Variants in DDX52 observed in about 807,000 individuals in gnomAD.
DDX52 encodes DExD-box helicase 52.
DDX52 carries 59 observed loss-of-function variants against 76.1 expected under a neutral mutation model. The ratio of observed to expected loss-of-function variants is 0.78; its 90% CI spans 0.63 to 0.96. DDX52 has a LOEUF of 0.96. Ranked by LOEUF, DDX52 falls within the 40% of genes least tolerant of loss-of-function variation. The pLI, the probability that DDX52 is intolerant of heterozygous loss-of-function variation, is 0.00. For synonymous variants in DDX52, 231 were observed against 244.1 expected (o/e 0.95, Z 0.50); for missense variants, 707 against 703.9 (o/e 1.00, Z -0.05).
At chr17:37,615,898 CAGCTACTCAAG>C (rs1421866344) in intron 14 of DDX52, among the ~76,000 whole-genome samples, 1 of 151,534 alleles carries the variant, frequency 6.6e-6, no homozygotes, top group African/African-American at 2.4e-5. Context: ...CCTGTAATCC[CAGCTACTCAAG>C]AGGCTGAGGC....
chr17:37,610,170 C>A lies in DDX52; in HGVS notation c.*4126G>T, dbSNP rs2147309164. On this transcript the variant is annotated 3_prime_UTR_variant, in exon 15 of 15. Transcript: ENST00000617633. ...ACAGGGTCTTGCTCTGTTGTCCAGG[C>A]TGGAGTGCAGTGGCATGATCATGGC... is the stretch of plus-strand genomic sequence containing the variant. 1 of 151,412 alleles carries A rather than the reference C, an allele frequency of 6.6e-6. No homozygotes were observed. Among genetic ancestry groups the A allele is most frequent in the East Asian group, 1.9e-4 (1 of 5,160 alleles). The allele number at this position is 151,412 out of a possible 1,614,324, so 9.4% of individuals were successfully genotyped here.
intron 5 of DDX52, among the ~76,000 whole-genome samples, chr17:37,629,217 C>T: frequency 7.4e-6 from 1 of 134,662 alleles, no homozygotes; most frequent in African/African-American, 2.8e-5. Context: ...CATGACTGTC[C>T]CAAGAAAAAA....
chr17:37,618,831 T>C (rs1470467415), intron 13 of DDX52, among the ~76,000 whole-genome samples: 1 of 152,194 alleles, frequency 6.6e-6, no homozygotes, highest in Non-Finnish European at 1.5e-5. Flanking sequence ...GGTGGGGCTG[T>C]AACTACTTTA....
intron 5 of DDX52, 96 bp downstream of exon 5, chr17:37,629,934 G>C (rs1017559569): frequency 1.3e-6 from 2 of 1,500,044 alleles, no homozygotes; most frequent in African/African-American, 2.8e-5. Context: ...CAGAAGACGT[G>C]GGCCTTGCTT....
At chr17:37,624,211 A>C in intron 9 of DDX52, 133 bp downstream of exon 9, 1 of 558,640 alleles carries the variant, frequency 1.8e-6, no homozygotes, top group East Asian at 2.9e-5. Flanking sequence ...GTACTTTCTT[A>C]TCAATTTACC....
intron 5 of DDX52, among the ~76,000 whole-genome samples, chr17:37,629,276 CAT>C (rs1555810487): frequency 1.3e-3 from 146 of 112,210 alleles, no homozygotes; most frequent in Middle Eastern, 9.8e-3. Context: ...CACACACACA[CAT>C]AGTACTATTA....
chr17:37,638,766 TTTTC>T (rs1487408085), intron 2 of DDX52, among the ~76,000 whole-genome samples: 2 of 122,678 alleles, frequency 1.6e-5, no homozygotes, highest in Admixed American at 9.7e-5. Context: ...AAGTTGTTTT[TTTTC>T]TTTTTTTTTT....
chr17:37,639,948 G>A, intron 2 of DDX52, among the ~76,000 whole-genome samples: 1 of 152,084 alleles, frequency 6.6e-6, no homozygotes, highest in East Asian at 1.9e-4. Context: ...GACTTTTACT[G>A]CAGCACTTAA....
intron 12 of DDX52, 198 bp from the exon 13 acceptor site, chr17:37,620,037 A>G: frequency 3.9e-6 from 2 of 517,022 alleles, no homozygotes; most frequent in Non-Finnish European, 3.4e-6. Flanking sequence ...AAATTAATGC[A>G]CTGATGAATA....
In DDX52 at chr17:37,614,624, T is replaced by C. The variant is rs73984275; in HGVS notation, c.1743-271A>G. Among the ~76,000 whole-genome samples, 757 of 152,360 alleles carry C rather than the reference T, an allele frequency of 5.0e-3. 10 individuals carry two copies. Among genetic ancestry groups the C allele is most frequent in the African/African-American group, 0.018 (733 of 41,582 alleles). The stretch of plus-strand genomic sequence containing the variant: ...ACCTAATGAGTTCACAATGATTCAG[T>C]GCTTACTGCATGCTAGAAACGGTTA... On this transcript the variant is annotated intron_variant, in intron 14 of 14. Coordinates refer to ENST00000617633, the MANE Select transcript of DDX52 (RefSeq NM_007010.5).
Position 37,612,394 on chromosome 17 carries a change from T to C in DDX52, c.*1902A>G, listed in dbSNP as rs2064378405. On this transcript the variant is annotated 3_prime_UTR_variant, in exon 15 of 15. Transcript: ENST00000617633. Reference sequence around the variant, plus strand: ...GCCTGGCCAAGAAAAATATTTTCAATAAATTTAGTATAGGTTAAGTGTGCA... The same window carrying C: ...GCCTGGCCAAGAAAAATATTTTCAACAAATTTAGTATAGGTTAAGTGTGCA... 6.6e-6 allele frequency: 1 copy of C among 152,144 alleles called. No homozygotes were observed. Among genetic ancestry groups the C allele is most frequent in the South Asian group, 2.1e-4 (1 of 4,822 alleles). The allele number at this position is 152,144 out of a possible 1,614,324, so 9.4% of individuals were successfully genotyped here.
At chr17:37,631,541 A>T (rs1471873056) in intron 4 of DDX52, 2 of 154,306 alleles carry the variant, frequency 1.3e-5, no homozygotes, top group Admixed American at 1.3e-4. Context: ...TCTTCACTGG[A>T]ATAGTGGTTA....
At position 37,633,277 on chromosome 17, in the gene DDX52, A is replaced by G. The variant is rs2030765845; in HGVS notation, c.417+11T>C. On this transcript the variant is annotated intron_variant, in intron 3 of 14. Transcript: ENST00000617633. ...ATATATATACTTTTGGCCCCAAAATATTTTTCTAACCTTTTCTTTTCTGAG... is the reference window on the plus strand; with the variant it reads ...ATATATATACTTTTGGCCCCAAAATGTTTTTCTAACCTTTTCTTTTCTGAG... 11 of 1,595,872 alleles carry G rather than the reference A, an allele frequency of 6.9e-6. No individual in the cohort carries two copies. The highest frequency in any genetic ancestry group is 8.5e-6 in the Non-Finnish European group (10 of 1,174,000).
rs1362030918 is a variant in DDX52 at position 37,613,331 on chromosome 17, C to T, written c.*965G>A. On this transcript the variant is annotated 3_prime_UTR_variant, in exon 15 of 15. Coordinates refer to ENST00000617633, the MANE Select transcript of DDX52 (RefSeq NM_007010.5). ...ACTTATTAAATGAGGCACCATCAAC[C>T]TAAGGAAAGATAAGCTGTAAGAGAA... 6.6e-6 allele frequency: 1 copy of T among 152,106 alleles called. No homozygotes were observed. Among genetic ancestry groups the T allele is most frequent in the Non-Finnish European group, 1.5e-5 (1 of 68,028 alleles). The allele number at this position is 152,106 out of a possible 1,614,324, so 9.4% of individuals were successfully genotyped here.
intron 14 of DDX52, among the ~76,000 whole-genome samples, chr17:37,616,637 A>G (rs550778285): frequency 1.3e-4 from 19 of 151,758 alleles, no homozygotes; most frequent in African/African-American, 4.1e-4. Context: ...CCTGGGCGAC[A>G]GGGTGGCAGA....
chr17:37,611,986 A>T lies in DDX52; in HGVS notation c.*2310T>A, dbSNP rs2064372936. 6.7e-6 allele frequency: 1 copy of T among 149,036 alleles called. No individual in the cohort carries two copies. The allele number at this position is 149,036 out of a possible 1,614,324, so 9.2% of individuals were successfully genotyped here. On this transcript the variant is annotated 3_prime_UTR_variant, in exon 15 of 15. Transcript: ENST00000617633. ...AAAAAAAAAAAAACAAAACAAAAAA[A>T]CTCATAAAGTAAAAGTTACAGTAAG...
At position 37,618,374 on chromosome 17, in the gene DDX52, T is replaced by G. The variant is rs751906678; in HGVS notation, c.1660A>C (p.Lys554Gln). 3 of 1,585,380 alleles carry G rather than the reference T, an allele frequency of 1.9e-6. No homozygotes were observed. The highest frequency in any genetic ancestry group is 1.2e-5 in the South Asian group (1 of 84,598). ...TCCAATGGTTTCTTAATCATCTTTT[T>G]CTTTTGTTTGCTGAAAGTTACAAAG... ...GFQKLLSKQK[K>Q]KMIKKPLERE... Residue 554 changes from lysine (K) to glutamine (Q), a missense_variant, in exon 14 of 15, where the codon AAA becomes CAA. By Grantham distance (53) the Lys-to-Gln change is moderately conservative. Coordinates refer to ENST00000617633, the MANE Select transcript of DDX52 (RefSeq NM_007010.5).
At chr17:37,635,730 T>C (rs571941584) in intron 2 of DDX52, 107 of 426,514 alleles carry the variant, frequency 2.5e-4, no homozygotes, top group South Asian at 4.4e-4. Flanking sequence ...CCAAGTGGAA[T>C]AGCTGGGTAA....
intron 2 of DDX52, among the ~76,000 whole-genome samples, chr17:37,636,958 C>CT (rs1568609924): frequency 2.6e-5 from 4 of 152,056 alleles, no homozygotes; most frequent in African/African-American, 9.7e-5. Context: ...TATGGTTTGG[C>CT]TTACACCACA....
Sources: gnomAD v4.1 joint callset for allele counts (sites outside exome capture counted in the v4.1 genomes callset) on GRCh38, gnomAD v4.1.1 for gene constraint, MANE v1.5 for transcripts, NCBI Gene and HGNC (gene_info 2026-07-23, HGNC 2026-07-21) for gene names.